SLC35B3: variants seen among roughly 807,000 people sequenced by gnomAD.
SLC35B3 encodes adenosine 3'-phospho 5'-phosphosulfate transporter 2.
A neutral mutation model predicts 44.1 loss-of-function variants in SLC35B3; 35 were observed. The ratio of observed to expected loss-of-function variants is 0.79; its 90% CI spans 0.61 to 1.05. The LOEUF (loss-of-function observed/expected upper bound fraction) is 1.05. Among genes scored for constraint, SLC35B3 ranks in the 50% least tolerant of loss-of-function variants. SLC35B3 has a pLI of 0.00. For missense variants in SLC35B3, 414 were observed against 476.4 expected, an observed-to-expected ratio of 0.87 and a Z score of 1.22; for synonymous variants, 146 against 167.3, an observed-to-expected ratio of 0.87 and a Z score of 0.98.
At chr6:8,430,779 T>A (rs9379193) in intron 2 of SLC35B3, among the ~76,000 whole-genome samples, 37,595 of 151,994 alleles carry the variant, frequency 0.25, 5,464 homozygotes, top group East Asian at 0.37. Flanking sequence ...ATGCCTGTAG[T>A]CCTAGCTACT....
intron 5 of SLC35B3, among the ~76,000 whole-genome samples, chr6:8,421,992 G>GTGTT (rs35584868): frequency 2.9e-4 from 40 of 138,902 alleles, no homozygotes; most frequent in Non-Finnish European, 5.5e-4. Flanking sequence ...AGGCATATAA[G>GTGTT]TGTTTGTTTG....
rs545362629 is a variant in SLC35B3 at position 8,425,114 on chromosome 6, A to G, written c.420-2490T>C. Among the ~76,000 whole-genome samples the G allele has an allele frequency of 9.2e-5, 14 of 152,346 alleles. No individual in the cohort carries two copies. In the East Asian group the frequency reaches 2.5e-3, roughly 27 times the overall value. On this transcript the variant is annotated intron_variant, in intron 4 of 10. Coordinates refer to ENST00000644923, the MANE Select transcript of SLC35B3 (RefSeq NM_001370476.2). ...AAATTATTTTATTTTAAAATATGTT[A>G]TGGTCACGTGATTTAAAAGTTGGGA... is the stretch of plus-strand genomic sequence containing the variant.
chr6:8,435,132 A>G lies in SLC35B3; in HGVS notation c.-44+211T>C. The G allele has an allele frequency of 7.9e-7, 1 of 1,271,328 alleles. No individual in the cohort carries two copies. The highest frequency in any genetic ancestry group is 2.4e-5 in the Admixed American group (1 of 41,966). 78.8% of individuals were successfully genotyped at this position (1,271,328 alleles called of 1,614,324 possible). A position where few individuals can be genotyped will look rare whatever the true frequency, so the allele number is the denominator to read the frequency against. On this transcript the variant is annotated intron_variant, in intron 1 of 10. Coordinates refer to ENST00000644923, the MANE Select transcript of SLC35B3 (RefSeq NM_001370476.2). The surrounding 1 kb of genome is among the most constrained non-coding windows in gnomAD (Gnocchi z 5.5). ...GAGTTCTCGCCAGCCCGAGGGCGAA[A>G]AACGGGCGAGGAGGAACAGATGCTC...
In SLC35B3 at chr6:8,432,824, C is replaced by T. The variant is rs1764119113; in HGVS notation, c.3+1561G>A. Among the ~76,000 whole-genome samples, 1 of 152,146 alleles carries T rather than the reference C, an allele frequency of 6.6e-6. No individual in the cohort carries two copies. The highest frequency in any genetic ancestry group is 2.1e-4 in the South Asian group (1 of 4,834). ...CAAGCTGACTCACCCCTTTGATGTGCAGCTGGAAATACAGACCTGAATTTC... is the reference window on the plus strand; with the variant it reads ...CAAGCTGACTCACCCCTTTGATGTGTAGCTGGAAATACAGACCTGAATTTC... On this transcript the variant is annotated intron_variant, in intron 2 of 10. Coordinates refer to ENST00000644923, the MANE Select transcript of SLC35B3 (RefSeq NM_001370476.2). This position sits in a 1 kb window ranked among gnomAD's most constrained non-coding sequence, Gnocchi z 4.8.
intron 4 of SLC35B3, 31 bp downstream of exon 3, chr6:8,427,906 A>C: frequency 6.9e-7 from 1 of 1,456,168 alleles, no homozygotes; most frequent in Non-Finnish European, 9.4e-7. Context: ...ACTAATATAG[A>C]AATATCAAAA....
chr6:8,420,457 G>A lies in SLC35B3; in HGVS notation c.682+264C>T, dbSNP rs547478563. ...TGAGTTACGACATAATTATAATAAA[G>A]GTACAACTGACATAAACAAATCTGA... On this transcript the variant is annotated intron_variant, in intron 6 of 10. Coordinates refer to ENST00000644923, the MANE Select transcript of SLC35B3 (RefSeq NM_001370476.2). The surrounding 1 kb of genome is among the most constrained non-coding windows in gnomAD (Gnocchi z 4.4). 1.3e-5 allele frequency among the ~76,000 whole-genome samples: 2 copies of A among 152,148 alleles called. No individual in the cohort carries two copies. Among genetic ancestry groups the A allele is most frequent in the Non-Finnish European group, 2.9e-5 (2 of 67,978 alleles).
intron 9 of SLC35B3, 121 bp downstream of exon 8, chr6:8,416,763 T>C: frequency 6.4e-6 from 3 of 468,020 alleles, no homozygotes; most frequent in Non-Finnish European, 7.7e-6. Context: ...AAGAATAAAT[T>C]GGTGAAATAT....
chr6:8,430,336 A>G (rs1220399134), intron 2 of SLC35B3, among the ~76,000 whole-genome samples, 179 bp from the exon 2 acceptor site: 1 of 152,164 alleles, frequency 6.6e-6, no homozygotes, highest in Non-Finnish European at 1.5e-5. Context: ...TCTTTAAACA[A>G]TTTGTCTACA....
In SLC35B3 at chr6:8,413,546, T is replaced by C. The variant is rs142499546; in HGVS notation, c.*3A>G. 1.7e-3 allele frequency: 2,714 copies of C among 1,601,406 alleles called. 44 individuals are homozygous for C. The African/African-American group carries it at 0.032, about 19-fold the overall frequency. ...ATTCTATTTTAAATAGGACAATCAC[T>C]GTCTATACAGTCTGTGCCAGCGTCC... On this transcript the variant is annotated 3_prime_UTR_variant, in exon 11 of 11. Transcript: ENST00000644923.
rs757569906 is a variant in SLC35B3 at position 8,419,711 on chromosome 6, A to C, written c.683-34T>G. 3 of 1,256,442 alleles carry C rather than the reference A, an allele frequency of 2.4e-6. No individual in the cohort carries two copies. Among genetic ancestry groups the C allele is most frequent in the Non-Finnish European group, 2.2e-6 (2 of 909,158 alleles). The allele number at this position is 1,256,442 out of a possible 1,614,324, so 77.8% of individuals were successfully genotyped here. On this transcript the variant is annotated intron_variant, in intron 6 of 10. Transcript: ENST00000644923. The surrounding 1 kb of genome is among the most constrained non-coding windows in gnomAD (Gnocchi z 4.3). ...AGGTATTAAAAAAACAAACAAAAAAACCCTCCTTATTTAAACATATGAACT... is the reference window on the plus strand; with the variant it reads ...AGGTATTAAAAAAACAAACAAAAAACCCCTCCTTATTTAAACATATGAACT...
chr6:8,416,708 TCAAA>T (rs1561745866), intron 9 of SLC35B3, among the ~76,000 whole-genome samples, 172 bp downstream of exon 8: 1 of 152,122 alleles, frequency 6.6e-6, no homozygotes, highest in African/African-American at 2.4e-5. Context: ...GAAATTAAGA[TCAAA>T]CAACATTTTC....
intron 4 of SLC35B3, among the ~76,000 whole-genome samples, chr6:8,425,803 A>C (rs571500148): frequency 6.6e-6 from 1 of 152,306 alleles, no homozygotes; most frequent in Admixed American, 6.5e-5. Flanking sequence ...ATATATACAC[A>C]CATTAGGGTA....
At chr6:8,424,338 C>T (rs1159496392) in intron 4 of SLC35B3, among the ~76,000 whole-genome samples, 5 of 152,138 alleles carry the variant, frequency 3.3e-5, no homozygotes, top group South Asian at 2.1e-4. Flanking sequence ...CTGCAACCTC[C>T]GCCTCCCAGG....
rs761243038 is a variant in SLC35B3 at position 8,435,179 on chromosome 6, G to C, written c.-44+164C>G. ...GCTCCTCCCTGGAAACCGCCCGGCCGGTTTCCGCTCTTTCAAAAAAGGGAA... is the reference window on the plus strand; with the variant it reads ...GCTCCTCCCTGGAAACCGCCCGGCCCGTTTCCGCTCTTTCAAAAAAGGGAA... On this transcript the variant is annotated intron_variant, in intron 1 of 10. Transcript: ENST00000644923. The surrounding 1 kb of genome is among the most constrained non-coding windows in gnomAD (Gnocchi z 5.5). 1 of 1,287,566 alleles carries C rather than the reference G, an allele frequency of 7.8e-7. No homozygotes were observed. The allele number at this position is 1,287,566 out of a possible 1,614,324, so 79.8% of individuals were successfully genotyped here. A position where few individuals can be genotyped will look rare whatever the true frequency, so the allele number is the denominator to read the frequency against.
rs1263331914 is a variant in SLC35B3, at chr6:8,420,049, A to G, written c.683-372T>C. ...GGTGGCTATTCAGTTAATTAAAAAA[A>G]AAAAAAACAGATGAAGAGAAAAGTC... On this transcript the variant is annotated intron_variant, in intron 6 of 10. Transcript: ENST00000644923. The surrounding 1 kb of genome is among the most constrained non-coding windows in gnomAD (Gnocchi z 4.4). Among the ~76,000 whole-genome samples the G allele has an allele frequency of 2.0e-5, 3 of 152,014 alleles. No homozygotes were observed. The highest frequency in any genetic ancestry group is 2.9e-5 in the Non-Finnish European group (2 of 67,966).
chr6:8,422,337 C>T (rs1044526212), intron 5 of SLC35B3, 133 bp downstream of exon 4: 12 of 749,662 alleles, frequency 1.6e-5, no homozygotes, highest in Non-Finnish European at 2.6e-5. Context: ...TTTGGTAAGA[C>T]ATAATTCAGA....
intron 4 of SLC35B3, among the ~76,000 whole-genome samples, chr6:8,423,809 T>G (rs1340900998): frequency 6.6e-6 from 1 of 152,170 alleles, no homozygotes. Flanking sequence ...TAGTTAACCA[T>G]GAAAATCCAC....
rs1006163012 is a variant in SLC35B3 at position 8,412,242 on chromosome 6, T to C, written c.*1307A>G. On this transcript the variant is annotated 3_prime_UTR_variant, in exon 11 of 11. Transcript: ENST00000644923. Reference sequence around the variant, plus strand: ...ACATCAGAACTGTGGGAAATAAATTTCCATTGTTTATGAGCTACCCACTTA... The same window carrying C: ...ACATCAGAACTGTGGGAAATAAATTCCCATTGTTTATGAGCTACCCACTTA... Among the ~76,000 whole-genome samples the C allele has an allele frequency of 1.3e-5, 2 of 152,168 alleles. No individual in the cohort carries two copies. Among genetic ancestry groups the C allele is most frequent in the African/African-American group, 4.8e-5 (2 of 41,430 alleles).
In SLC35B3 at chr6:8,434,343, T is replaced by C. The variant is rs914165436; in HGVS notation, c.3+42A>G. On this transcript the variant is annotated intron_variant, in intron 2 of 10. Transcript: ENST00000644923. The surrounding 1 kb of genome is among the most constrained non-coding windows in gnomAD (Gnocchi z 6.3). ...TAACCTGAAAAAACGTGATTTTAAC[T>C]ATACTTTGCCACACTCAACGTTACA... The C allele has an allele frequency of 6.3e-7, 1 of 1,589,260 alleles. No individual in the cohort carries two copies. The highest frequency in any genetic ancestry group is 8.6e-7 in the Non-Finnish European group (1 of 1,159,178).
Sources: gnomAD v4.1 joint callset for allele counts (sites outside exome capture counted in the v4.1 genomes callset) on GRCh38, gnomAD v4.1.1 for gene constraint, Gnocchi (gnomAD v3.1) non-coding constraint, MANE v1.5 for transcripts, NCBI Gene and HGNC (gene_info 2026-07-23, HGNC 2026-07-21) for gene names.